The following LARGE1 variants were observed in gnomAD, a reference collection of about 807,000 sequenced individuals.
LARGE1 encodes LARGE xylosyl- and glucuronyltransferase 1.
In LARGE1, 43 loss-of-function variants were observed where a neutral mutation model predicts 87.6. The ratio of observed to expected loss-of-function variants is 0.49; its 90% confidence interval spans 0.38 to 0.63. The LOEUF is 0.63. Ranked by LOEUF, LARGE1 falls within the 30% of genes least tolerant of loss-of-function variation. The pLI is 0.00. For missense variants in LARGE1, 802 were observed against 1,000.2 expected, an observed-to-expected ratio of 0.80 and a Z score of 2.67; for synonymous variants, 434 against 394.6, an observed-to-expected ratio of 1.10 and a Z score of -1.18.
chr22:33,196,001 G>A (rs777551255), intron 11 of LARGE1, among the ~76,000 whole-genome samples: 22 of 150,938 alleles, frequency 1.5e-4, no homozygotes, highest in Non-Finnish European at 3.1e-4. Flanking sequence ...CTCGTGGTCC[G>A]CCCGTCTCAG....
intron 1 of LARGE1, among the ~76,000 whole-genome samples, chr22:33,793,122 G>A (rs1358145354): frequency 1.3e-5 from 2 of 152,208 alleles, no homozygotes; most frequent in African/African-American, 2.4e-5. Context: ...CTACAGCATC[G>A]CACAGGATAA....
chr22:33,672,330 C>G (rs909912725), intron 2 of LARGE1, among the ~76,000 whole-genome samples: 1 of 152,226 alleles, frequency 6.6e-6, no homozygotes, highest in African/African-American at 2.4e-5. Context: ...ATCTATTAAC[C>G]CTTCCACCTC....
At chr22:33,192,940 G>A (rs1265593152) in intron 11 of LARGE1, among the ~76,000 whole-genome samples, 1 of 152,164 alleles carries the variant, frequency 6.6e-6, no homozygotes, top group Non-Finnish European at 1.5e-5. Context: ...TCCTCAATGT[G>A]TGTTCTTGGT....
At chr22:33,550,000 G>A (rs1602379118) in intron 6 of LARGE1, among the ~76,000 whole-genome samples, 1 of 152,092 alleles carries the variant, frequency 6.6e-6, no homozygotes, top group African/African-American at 2.4e-5. Flanking sequence ...AGTCCACAGG[G>A]TCAGGGGATG....
intron 2 of LARGE1, among the ~76,000 whole-genome samples, chr22:33,746,612 G>C (rs7291187): frequency 6.6e-6 from 1 of 152,160 alleles, no homozygotes. Flanking sequence ...GAGTCCACAG[G>C]AAAGTTCTAA....
intron 9 of LARGE1, among the ~76,000 whole-genome samples, chr22:33,370,808 AC>A (rs371961466): frequency 0.012 from 1,748 of 149,784 alleles, 22 homozygotes; most frequent in African/African-American, 0.035. Flanking sequence ...ATCATTAAAT[AC>A]CATCAATAAT....
intron 2 of LARGE1, among the ~76,000 whole-genome samples, chr22:33,754,570 T>G (rs947226309): frequency 6.6e-6 from 1 of 152,100 alleles, no homozygotes; most frequent in African/African-American, 2.4e-5. Flanking sequence ...TCTCCTGACC[T>G]TGTGATCTGC....
intron 1 of LARGE1, among the ~76,000 whole-genome samples, chr22:33,794,874 C>T (rs529474344): frequency 1.3e-5 from 2 of 152,146 alleles, no homozygotes; most frequent in African/African-American, 2.4e-5. Context: ...TCTGCCTCCG[C>T]CTCCCAAAGT....
the LARGE1 span, among the ~76,000 whole-genome samples, chr22:33,154,938 C>A: frequency 1.3e-5 from 2 of 152,194 alleles, no homozygotes; most frequent in African/African-American, 4.8e-5. Context: ...TCATGAGATC[C>A]GATGGTTTTA....
At chr22:33,199,425 A>T (rs949681999) in intron 11 of LARGE1, among the ~76,000 whole-genome samples, 6 of 152,186 alleles carry the variant, frequency 3.9e-5, no homozygotes, top group African/African-American at 1.4e-4. Flanking sequence ...GTCATAAATT[A>T]TTTGCCTAGG....
chr22:33,146,373 C>T, the LARGE1 span, among the ~76,000 whole-genome samples: 1 of 152,164 alleles, frequency 6.6e-6, no homozygotes, highest in Admixed American at 6.6e-5. Flanking sequence ...CAAGTTGGCT[C>T]AATGAGCCCA....
intron 1 of LARGE1, among the ~76,000 whole-genome samples, chr22:33,820,220 C>A (rs2086779120): frequency 6.6e-6 from 1 of 152,108 alleles, no homozygotes; most frequent in Admixed American, 6.5e-5. Flanking sequence ...TGCAAAACCC[C>A]CCATATAAGA....
At chr22:33,762,171 G>A (rs112554535) in intron 1 of LARGE1, among the ~76,000 whole-genome samples, 8 of 138,954 alleles carry the variant, frequency 5.8e-5, no homozygotes, top group African/African-American at 1.6e-4. Context: ...CTGAGATGGC[G>A]CCACTGCACT....
At chr22:33,922,370 C>G (rs1421170906), upstream of LARGE1, 1 of 152,172 alleles carries the variant, frequency 6.6e-6, no homozygotes, top group African/African-American at 2.4e-5. Flanking sequence ...TTGGCTTTAC[C>G]GAGCTGGGAC....
intron 3 of LARGE1, among the ~76,000 whole-genome samples, chr22:33,629,289 C>T (rs73168589): frequency 0.012 from 1,846 of 152,268 alleles, 14 homozygotes; most frequent in Non-Finnish European, 0.019. Flanking sequence ...CTGAATCAGG[C>T]TCTTCAGAAT....
the LARGE1 span, among the ~76,000 whole-genome samples, chr22:33,123,372 G>T: frequency 2.0e-5 from 3 of 151,818 alleles, no homozygotes; most frequent in Admixed American, 6.6e-5. Context: ...GGAAAATGAG[G>T]TTTTTTTCCT....
intron 1 of LARGE1, among the ~76,000 whole-genome samples, chr22:33,776,942 C>G (rs1442258591): frequency 6.6e-6 from 1 of 152,092 alleles, no homozygotes; most frequent in African/African-American, 2.4e-5. Flanking sequence ...AATGGGGATG[C>G]AGAGATGGTC....
chr22:33,598,304 C>T (rs886887667), intron 5 of LARGE1, among the ~76,000 whole-genome samples: 13 of 152,102 alleles, frequency 8.5e-5, no homozygotes, highest in African/African-American at 3.1e-4. Context: ...AATAACAGGA[C>T]CTAGTCCATA....
intron 2 of LARGE1, among the ~76,000 whole-genome samples, chr22:33,681,999 A>G (rs2081789276): frequency 6.6e-6 from 1 of 152,176 alleles, no homozygotes; most frequent in Non-Finnish European, 1.5e-5. Flanking sequence ...TGCAAAGACC[A>G]AGAATCTGAC....
Sources: gnomAD v4.1 joint callset for allele counts (sites outside exome capture counted in the v4.1 genomes callset) on GRCh38, gnomAD v4.1.1 for gene constraint, MANE v1.5 for transcripts, NCBI Gene and HGNC (gene_info 2026-07-23, HGNC 2026-07-21) for gene names.